Variants in HERC4 observed in about 807,000 individuals in gnomAD.
HERC4 encodes probable E3 ubiquitin-protein ligase HERC4.
Under a neutral mutation model 124.3 loss-of-function variants are expected in HERC4, and 28 were observed. That is an observed-to-expected ratio of 0.23 (90% CI 0.17 to 0.31). The LOEUF (loss-of-function observed/expected upper bound fraction) is 0.31. HERC4 is among the 10% of genes least tolerant of loss of function. HERC4 has a pLI of 1.00. For synonymous variants in HERC4, 407 were observed against 421.5 expected, an observed-to-expected ratio of 0.97 and a Z score of 0.42; for missense variants, 713 against 1,229.3, an observed-to-expected ratio of 0.58 and a Z score of 6.28.
intron 2 of HERC4, 79 bp from the exon 3 acceptor site, chr10:68,073,265 T>C: frequency 1.7e-6 from 1 of 599,616 alleles, no homozygotes; most frequent in Non-Finnish European, 2.9e-6. Flanking sequence ...TAGGCTACAA[T>C]AATTGCTACA....
chr10:68,035,103 G>A (rs934328244), intron 5 of HERC4, among the ~76,000 whole-genome samples: 46 of 151,008 alleles, frequency 3.0e-4, no homozygotes, highest in Non-Finnish European at 4.4e-5. Context: ...TTAAAAGTAA[G>A]CTTCCTTCCA....
chr10:67,945,645 A>T (rs1309254966), intron 19 of HERC4, among the ~76,000 whole-genome samples: 1 of 152,206 alleles, frequency 6.6e-6, no homozygotes, highest in Non-Finnish European at 1.5e-5. Flanking sequence ...TACAGCTACA[A>T]GACATAGTGT....
intron 8 of HERC4, among the ~76,000 whole-genome samples, chr10:68,019,322 A>C (rs1429191998): frequency 6.6e-6 from 1 of 152,068 alleles, no homozygotes; most frequent in African/African-American, 2.4e-5. Flanking sequence ...AAAGAACAGA[A>C]GAATAACAAG....
At chr10:67,992,347 C>A in intron 10 of HERC4, 24 bp from the exon 11 acceptor site, 1 of 1,610,880 alleles carries the variant, frequency 6.2e-7, no homozygotes, top group South Asian at 1.1e-5. Context: ...TAAGATTAGT[C>A]AGAGGGAAGA....
At chr10:68,056,804 A>C (rs1357824545) in intron 3 of HERC4, among the ~76,000 whole-genome samples, 3 of 152,202 alleles carry the variant, frequency 2.0e-5, no homozygotes, top group Admixed American at 6.5e-5. Flanking sequence ...GTTTAAAGTA[A>C]TTAACTCAAA....
intron 19 of HERC4, among the ~76,000 whole-genome samples, chr10:67,950,000 T>C (rs984640622): frequency 3.3e-5 from 5 of 151,348 alleles, no homozygotes; most frequent in Admixed American, 6.6e-5. Flanking sequence ...GCCTGGAGGA[T>C]AGAGCAAGAC....
chr10:68,017,741 G>A (rs1009846396), intron 8 of HERC4, among the ~76,000 whole-genome samples: 6 of 152,012 alleles, frequency 3.9e-5, no homozygotes, highest in South Asian at 2.1e-4. Flanking sequence ...AGTCTGCCTC[G>A]GCCTCCCAAA....
At chr10:67,950,891 T>C (rs2033742588) in intron 19 of HERC4, among the ~76,000 whole-genome samples, 1 of 152,124 alleles carries the variant, frequency 6.6e-6, no homozygotes, top group African/African-American at 2.4e-5. Context: ...GATTTCTAAA[T>C]ACCATTTTCC....
chr10:67,930,098 G>A (rs1204969832), intron 23 of HERC4, among the ~76,000 whole-genome samples: 2 of 151,708 alleles, frequency 1.3e-5, no homozygotes, highest in African/African-American at 2.4e-5. Flanking sequence ...GAGCCACCGC[G>A]CCCGGCCCAG....
At chr10:67,955,603 C>G (rs1462880375) in intron 17 of HERC4, 1 of 152,688 alleles carries the variant, frequency 6.5e-6, no homozygotes, top group East Asian at 1.9e-4. Flanking sequence ...GAAATCCTGT[C>G]TCTACTAAAA....
intron 4 of HERC4, chr10:68,040,031 T>C (rs544573080): frequency 1.9e-5 from 13 of 697,006 alleles, no homozygotes; most frequent in African/African-American, 1.5e-4. Context: ...AGGCAGACTA[T>C]GTGTTTTATA....
In HERC4 at chr10:67,990,954, G is replaced by A. The variant is rs763286883; in HGVS notation, c.1393C>T (p.Leu465Phe). The change falls in exon 13 of 25, where the codon CTT (leucine) becomes TTT (phenylalanine). Residue 465 changes from leucine (L) to phenylalanine (F), a missense_variant. By Grantham distance (22) the Leu-to-Phe change is conservative (BLOSUM62 0). Transcript: ENST00000373700. ...GGTTGTATAAGTTTGTGGAATAAAA[G>A]CCTAGCAGCATTCATATCAACCCCT... ...FSGVDMNAAR[L>F]LFHKLIQPDH... 1 of 1,609,118 alleles carries A rather than the reference G, an allele frequency of 6.2e-7. No homozygotes were observed. The highest frequency in any genetic ancestry group is 8.5e-7 in the Non-Finnish European group (1 of 1,177,124).
chr10:68,014,271 G>T, intron 8 of HERC4, 85 bp from the exon 9 acceptor site: 2 of 1,231,256 alleles, frequency 1.6e-6, no homozygotes. Context: ...TATCAAAAGA[G>T]GTAATTTTTC....
At chr10:68,014,215 C>T (rs377113107) in intron 8 of HERC4, 29 bp from the exon 9 acceptor site, 2 of 1,507,920 alleles carry the variant, frequency 1.3e-6, no homozygotes, top group African/African-American at 2.8e-5. Flanking sequence ...AAACTTCAGA[C>T]TTAATGTTAC....
chr10:68,001,398 T>C (rs2037223250), intron 9 of HERC4, among the ~76,000 whole-genome samples: 1 of 152,000 alleles, frequency 6.6e-6, no homozygotes, highest in East Asian at 1.9e-4. Flanking sequence ...TCCTCTTGTT[T>C]ACCCATGGCA....
intron 20 of HERC4, among the ~76,000 whole-genome samples, chr10:67,940,668 C>T (rs2032802780): frequency 6.6e-6 from 1 of 152,264 alleles, no homozygotes; most frequent in African/African-American, 2.4e-5. Context: ...TGGTCTCAAA[C>T]TCCTGACCTC....
chr10:68,055,124 G>T (rs1421313082), intron 3 of HERC4, among the ~76,000 whole-genome samples: 1 of 152,162 alleles, frequency 6.6e-6, no homozygotes, highest in East Asian at 1.9e-4. Context: ...GTTTCACCAT[G>T]TTGCCCAGGC....
intron 3 of HERC4, among the ~76,000 whole-genome samples, chr10:68,061,715 C>T (rs1054092921): frequency 1.3e-5 from 2 of 150,600 alleles, no homozygotes; most frequent in African/African-American, 4.9e-5. Flanking sequence ...CACGTCTCTA[C>T]TAAAAATACA....
intron 11 of HERC4, 102 bp from the exon 12 acceptor site, chr10:67,991,301 T>C (rs2036537588): frequency 6.6e-6 from 4 of 609,018 alleles, no homozygotes; most frequent in Non-Finnish European, 8.0e-6. Context: ...TAATGTTTAA[T>C]GCTACAGAGC....
Sources: gnomAD v4.1 joint callset for allele counts (sites outside exome capture counted in the v4.1 genomes callset) on GRCh38, gnomAD v4.1.1 for gene constraint, MANE v1.5 for transcripts, NCBI Gene and HGNC (gene_info 2026-07-23, HGNC 2026-07-21) for gene names.